PTPN14: variants seen among roughly 807,000 people sequenced by gnomAD.
PTPN14 encodes tyrosine-protein phosphatase non-receptor type 14.
A neutral mutation model predicts 126.8 loss-of-function variants in PTPN14; 53 were observed. That is an observed-to-expected ratio of 0.42 (90% CI 0.34 to 0.53). PTPN14 has a LOEUF of 0.53. PTPN14 is among the 20% of genes least tolerant of loss of function. The pLI is 0.08. For synonymous variants in PTPN14, 630 were observed against 599.3 expected, an observed-to-expected ratio of 1.05 and a Z score of -0.75; for missense variants, 1,257 against 1,552.9, an observed-to-expected ratio of 0.81 and a Z score of 3.20.
intron 18 of PTPN14, among the ~76,000 whole-genome samples, chr1:214,359,265 G>A (rs1657897152): frequency 6.7e-6 from 1 of 149,576 alleles, no homozygotes; most frequent in Non-Finnish European, 1.5e-5. Context: ...CCAGGCTGGA[G>A]TGCAGTGGCT....
intron 14 of PTPN14, among the ~76,000 whole-genome samples, chr1:214,377,048 C>A (rs1170609634): frequency 6.6e-6 from 1 of 152,234 alleles, no homozygotes; most frequent in Non-Finnish European, 1.5e-5. Context: ...TAAGGATCCA[C>A]CTTTCTTCGC....
At chr1:214,479,984 A>G (rs918091396) in intron 1 of PTPN14, among the ~76,000 whole-genome samples, 13 of 152,106 alleles carry the variant, frequency 8.5e-5, no homozygotes, top group African/African-American at 3.1e-4. Context: ...ACTATGTATT[A>G]TTTTCTCATG....
chr1:214,491,560 C>G (rs1244959823), intron 1 of PTPN14, among the ~76,000 whole-genome samples: 1 of 152,118 alleles, frequency 6.6e-6, no homozygotes, highest in East Asian at 1.9e-4. Context: ...CGATAGGGTT[C>G]CTTCTCCTAT....
intron 3 of PTPN14, among the ~76,000 whole-genome samples, chr1:214,449,592 A>G (rs949995867): frequency 6.6e-6 from 1 of 152,234 alleles, no homozygotes. Context: ...CACCGTGTAA[A>G]GTACTCAAGG....
At chr1:214,380,380 TCTCA>T (rs1228138619) in intron 13 of PTPN14, among the ~76,000 whole-genome samples, 2 of 152,170 alleles carry the variant, frequency 1.3e-5, no homozygotes, top group African/African-American at 2.4e-5. Flanking sequence ...CTTTGATCCT[TCTCA>T]CTCACCCTAT....
chr1:214,414,516 G>T, intron 4 of PTPN14, 113 bp downstream of exon 4: 3 of 931,958 alleles, frequency 3.2e-6, no homozygotes, highest in Non-Finnish European at 5.0e-6. Context: ...AATAAAAAGG[G>T]AGCATTACTA....
At chr1:214,380,110 C>T (rs560744057) in intron 13 of PTPN14, among the ~76,000 whole-genome samples, 13 of 152,306 alleles carry the variant, frequency 8.5e-5, no homozygotes, top group Non-Finnish European at 1.3e-4. Context: ...TGTTTGCTTG[C>T]TGCTAGTTTT....
intron 10 of PTPN14, among the ~76,000 whole-genome samples, chr1:214,392,432 C>A (rs992150649): frequency 3.9e-5 from 6 of 152,094 alleles, no homozygotes; most frequent in African/African-American, 1.2e-4. Context: ...ATAGTAAAAC[C>A]ATCTGCTGAG....
In PTPN14 at chr1:214,374,774, G is replaced by A. The variant is rs373621330; in HGVS notation, c.2907+1445C>T. On this transcript the variant is annotated intron_variant, in intron 15 of 18. Transcript: ENST00000366956. ...AATACCAAGGAAGGGAATGCTCCTC[G>A]GTTAACAATGCCCGATGGGCACAGT... Among the ~76,000 whole-genome samples, 27 of 152,302 alleles carry A rather than the reference G, an allele frequency of 1.8e-4. No individual in the cohort carries two copies. The East Asian group carries it at 3.7e-3, about 21-fold the overall frequency.
chr1:214,370,632 C>T (rs1658197006), intron 16 of PTPN14, among the ~76,000 whole-genome samples: 1 of 152,208 alleles, frequency 6.6e-6, no homozygotes, highest in Non-Finnish European at 1.5e-5. Flanking sequence ...AGAACAGCTG[C>T]TTACATCACC....
At chr1:214,454,828 C>T (rs1333800331) in intron 2 of PTPN14, among the ~76,000 whole-genome samples, 3 of 152,070 alleles carry the variant, frequency 2.0e-5, no homozygotes, top group Non-Finnish European at 4.4e-5. Context: ...ATGGAAGAAA[C>T]GGGGTGTCCA....
At chr1:214,475,113 G>T (rs1660840396) in intron 1 of PTPN14, among the ~76,000 whole-genome samples, 1 of 152,124 alleles carries the variant, frequency 6.6e-6, no homozygotes, top group African/African-American at 2.4e-5. Flanking sequence ...ATTCTCTACA[G>T]CTTTGTATGT....
chr1:214,424,839 G>A (rs562660715), intron 3 of PTPN14, among the ~76,000 whole-genome samples: 45 of 152,042 alleles, frequency 3.0e-4, no homozygotes, highest in South Asian at 8.3e-4. Flanking sequence ...GTGAGACACC[G>A]TGCCCGGCCC....
rs574310293 is a variant in PTPN14 at position 214,379,016 on chromosome 1, C to CT, written c.2545-915_2545-914insA. Reference sequence around the variant, plus strand: ...TGGTTTTTAGCCTCCTGCTGTGCTTCCTCAGGTCCTTGAAACTAACCGAGT... The same window carrying CT: ...TGGTTTTTAGCCTCCTGCTGTGCTTCTCTCAGGTCCTTGAAACTAACCGAGT... On this transcript the variant is annotated intron_variant, in intron 13 of 18. Coordinates refer to ENST00000366956, the MANE Select transcript of PTPN14 (RefSeq NM_005401.5). 2.8e-3 allele frequency among the ~76,000 whole-genome samples: 424 copies of CT among 152,298 alleles called. 1 individual carries two copies. The highest frequency in any genetic ancestry group is 5.4e-3 in the Admixed American group (82 of 15,296).
chr1:214,410,712 C>T (rs1659288433), intron 5 of PTPN14, among the ~76,000 whole-genome samples: 2 of 152,168 alleles, frequency 1.3e-5, no homozygotes, highest in African/African-American at 4.8e-5. Flanking sequence ...AATATACTGC[C>T]CTTTCACCAG....
At chr1:214,494,894 T>C (rs1038087886) in intron 1 of PTPN14, among the ~76,000 whole-genome samples, 12 of 152,194 alleles carry the variant, frequency 7.9e-5, no homozygotes, top group Admixed American at 7.9e-4. Flanking sequence ...CAAGTGAACC[T>C]GAGGGAAGGA....
At chr1:214,398,293 T>C (rs74414507) in intron 7 of PTPN14, among the ~76,000 whole-genome samples, 3,166 of 152,184 alleles carry the variant, frequency 0.021, 112 homozygotes, top group African/African-American at 0.072. Context: ...ACTGAACTCA[T>C]AGAAGGATAG....
intron 1 of PTPN14, among the ~76,000 whole-genome samples, chr1:214,519,824 C>T (rs1027928876): frequency 3.3e-5 from 5 of 151,658 alleles, no homozygotes; most frequent in Admixed American, 6.6e-5. Flanking sequence ...CCAAGGGGGG[C>T]GGACGGCTTT....
chr1:214,458,430 G>A (rs988331969), intron 2 of PTPN14, among the ~76,000 whole-genome samples: 1 of 152,138 alleles, frequency 6.6e-6, no homozygotes, highest in Admixed American at 6.5e-5. Context: ...AAGTGTCATG[G>A]CAGAGGCTGG....
Sources: allele counts gnomAD v4.1 joint callset (sites outside exome capture counted in the v4.1 genomes callset), GRCh38; gene constraint gnomAD v4.1.1; transcripts MANE v1.5; gene names NCBI Gene and HGNC (gene_info 2026-07-23, HGNC 2026-07-21).